EVA1C: variants seen among roughly 807,000 people sequenced by gnomAD.
The protein encoded by EVA1C is protein eva-1 homolog C.
In EVA1C, 25 loss-of-function variants were observed where a neutral mutation model predicts 45.4. The ratio of observed to expected loss-of-function variants is 0.55; its 90% CI spans 0.40 to 0.77. EVA1C has a LOEUF of 0.77. Ranked by LOEUF, EVA1C falls within the 30% of genes least tolerant of loss-of-function variation. The pLI is 0.00. For missense variants in EVA1C, 479 were observed against 554.8 expected (o/e 0.86, Z 1.37); for synonymous variants, 190 against 221.2 (o/e 0.86, Z 1.25).
At chr21:32,511,044 C>CCT (rs887282061) in intron 7 of EVA1C, among the ~76,000 whole-genome samples, 1 of 104,782 alleles carries the variant, frequency 9.5e-6, no homozygotes. Context: ...TCTCTCTCTC[C>CCT]CTCTCTCTCT....
chr21:32,484,297 C>T (rs1464338454), intron 4 of EVA1C, among the ~76,000 whole-genome samples: 1 of 151,980 alleles, frequency 6.6e-6, no homozygotes, highest in South Asian at 2.1e-4. Flanking sequence ...AATCCCAGCA[C>T]TTTGGGAGGC....
chr21:32,412,740 G>C lies in EVA1C; in HGVS notation c.-114G>C. 8.9e-7 allele frequency: 1 copy of C among 1,121,862 alleles called. No homozygotes were observed. The highest frequency in any genetic ancestry group is 1.2e-6 in the Non-Finnish European group (1 of 863,544). The allele number at this position is 1,121,862 out of a possible 1,614,324, so 69.5% of individuals were successfully genotyped here. A position where few individuals can be genotyped will look rare whatever the true frequency, so the allele number is the denominator to read the frequency against. On this transcript the variant is annotated 5_prime_UTR_variant, in exon 1 of 8. Transcript: ENST00000300255. ...CTGGCAGCCTGGGCAGGGAGGCGGC[G>C]GGGGGCCGCGGAGCCGCTGGCCATC...
At position 32,432,401 on chromosome 21, in the gene EVA1C, CA is replaced by C. The variant is rs199571591; in HGVS notation, c.160+19389del. 9.6e-3 allele frequency among the ~76,000 whole-genome samples: 1,455 copies of C among 152,130 alleles called. 23 individuals carry two copies. The highest frequency in any genetic ancestry group is 0.033 in the African/African-American group (1,364 of 41,482). ...AACTCAGGGTAAGCAAGCCTTAAAG[CA>C]GAACAGAAGAAAGAAAGGAAGGCTC... is the stretch of plus-strand genomic sequence containing the variant. On this transcript the variant is annotated intron_variant, in intron 1 of 7. Transcript: ENST00000300255.
chr21:32,444,537 C>T (rs532865646), intron 1 of EVA1C, among the ~76,000 whole-genome samples: 9 of 152,258 alleles, frequency 5.9e-5, no homozygotes, highest in African/African-American at 2.2e-4. Flanking sequence ...AGCTTCTGTG[C>T]CCACCGTGGG....
At chr21:32,461,706 GTTTA>G (rs1207016740) in intron 3 of EVA1C, among the ~76,000 whole-genome samples, 1 of 152,234 alleles carries the variant, frequency 6.6e-6, no homozygotes, top group Non-Finnish European at 1.5e-5. Context: ...CACTGATCGG[GTTTA>G]TTTGTTTGTC....
rs761320436 is a variant in EVA1C, at chr21:32,515,056, T to G, written c.1192T>G (p.Tyr398Asp). The G allele has an allele frequency of 3.1e-6, 5 of 1,614,042 alleles. No homozygotes were observed. The African/African-American group carries it at 5.3e-5, about 17-fold the overall frequency. The change falls in exon 8 of 8, where the codon TAT becomes GAT. Residue 398 changes from tyrosine (Y) to aspartate (D), a missense_variant. Tyr to Asp is a radical substitution (Grantham distance 160). This residue lies in a region of EVA1C where 366 missense variants were observed against 426.1 expected (regional missense o/e 0.86). Coordinates refer to ENST00000300255, the MANE Select transcript of EVA1C (RefSeq NM_058187.5). Reference protein sequence around the residue: ...GELSGFCRTSYPIYSSIEAAE... With the variant: ...GELSGFCRTSDPIYSSIEAAE... ...ACTGTCGGGGTTCTGTAGGACTTCA[T>G]ATCCTATATACAGTTCCATAGAAGC...
Position 32,452,554 on chromosome 21 carries a change from G to C in EVA1C, c.161-758G>C, listed in dbSNP as rs2035621436. Reference sequence around the variant, plus strand: ...GTTTTGCCATCTGCAGGCGGCTTGTGTTAATCAGCTCAATTAGACCCTCTG... The same window carrying C: ...GTTTTGCCATCTGCAGGCGGCTTGTCTTAATCAGCTCAATTAGACCCTCTG... On this transcript the variant is annotated intron_variant, in intron 1 of 7. Coordinates refer to ENST00000300255, the MANE Select transcript of EVA1C (RefSeq NM_058187.5). The surrounding 1 kb of genome is among the most constrained non-coding windows in gnomAD (Gnocchi z 4.0). The C allele has an allele frequency of 6.6e-6, 1 of 152,270 alleles. No individual in the cohort carries two copies. Among genetic ancestry groups the C allele is most frequent in the African/African-American group, 2.4e-5 (1 of 41,474 alleles). 9.4% of individuals were successfully genotyped at this position (152,270 alleles called of 1,614,324 possible).
intron 1 of EVA1C, among the ~76,000 whole-genome samples, chr21:32,430,213 T>C (rs2034646231): frequency 6.6e-6 from 1 of 152,288 alleles, no homozygotes; most frequent in East Asian, 1.9e-4. Context: ...GAGCTTGGCC[T>C]CTCCAGCTTG....
chr21:32,435,759 A>G (rs564185928), intron 1 of EVA1C, among the ~76,000 whole-genome samples: 17 of 152,402 alleles, frequency 1.1e-4, no homozygotes, highest in Middle Eastern at 3.4e-3. Flanking sequence ...GCACTGCTGA[A>G]GTACTAACAT....
chr21:32,487,723 A>C (rs983577218), intron 4 of EVA1C, among the ~76,000 whole-genome samples: 3 of 151,558 alleles, frequency 2.0e-5, no homozygotes, highest in Non-Finnish European at 2.9e-5. Context: ...CCATCTCAAA[A>C]AAAAAAAAAA....
At chr21:32,450,166 C>T (rs141429643) in intron 1 of EVA1C, among the ~76,000 whole-genome samples, 4 of 152,232 alleles carry the variant, frequency 2.6e-5, no homozygotes, top group East Asian at 1.9e-4. Flanking sequence ...GCCACTGCAC[C>T]GCACGTACAG....
intron 4 of EVA1C, among the ~76,000 whole-genome samples, chr21:32,483,370 A>AT (rs59672122): frequency 0.19 from 28,759 of 152,142 alleles, 2,858 homozygotes; most frequent in East Asian, 0.27. Context: ...CGTTTCTGGC[A>AT]TTTGGTATAG....
intron 4 of EVA1C, among the ~76,000 whole-genome samples, chr21:32,472,926 G>C (rs971171692): frequency 6.6e-6 from 1 of 152,186 alleles, no homozygotes; most frequent in Admixed American, 6.5e-5. Context: ...ACGTGCAAGG[G>C]TGAGGACCAG....
intron 4 of EVA1C, among the ~76,000 whole-genome samples, chr21:32,470,267 A>T (rs1375315407): frequency 6.6e-6 from 1 of 152,240 alleles, no homozygotes; most frequent in African/African-American, 2.4e-5. Flanking sequence ...GTCTCAAGAG[A>T]AAACAAAAAA....
intron 4 of EVA1C, among the ~76,000 whole-genome samples, chr21:32,479,556 A>T (rs929345277): frequency 1.3e-5 from 2 of 152,228 alleles, no homozygotes; most frequent in African/African-American, 4.8e-5. Context: ...GTCAACAAAG[A>T]TACAGTCAGA....
chr21:32,438,134 C>T (rs2035032726), intron 1 of EVA1C, among the ~76,000 whole-genome samples: 1 of 152,192 alleles, frequency 6.6e-6, no homozygotes, highest in Admixed American at 6.5e-5. Flanking sequence ...TCCAACTCAA[C>T]TTGATGCATT....
intron 7 of EVA1C, among the ~76,000 whole-genome samples, chr21:32,507,354 G>GTGTGTGTGTGCA (rs937676633): frequency 3.3e-5 from 5 of 152,168 alleles, no homozygotes; most frequent in Admixed American, 6.5e-5. Flanking sequence ...AAGGAGTGGT[G>GTGTGTGTGTGCA]TGTGTGTGTG....
intron 1 of EVA1C, among the ~76,000 whole-genome samples, chr21:32,417,833 A>G (rs2146100469): frequency 6.6e-6 from 1 of 152,266 alleles, no homozygotes; most frequent in Non-Finnish European, 1.5e-5. Context: ...ATATCTATGG[A>G]CATTCAGGCT....
chr21:32,494,004 T>C (rs1450399480), intron 4 of EVA1C, among the ~76,000 whole-genome samples: 1 of 152,140 alleles, frequency 6.6e-6, no homozygotes, highest in African/African-American at 2.4e-5. Flanking sequence ...TTTGCCATGT[T>C]GGCCAGGTTG....
Sources: gnomAD v4.1 joint callset for allele counts (sites outside exome capture counted in the v4.1 genomes callset) on GRCh38, gnomAD v4.1.1 for gene constraint, gnomAD v4.1.1 regional missense constraint, Gnocchi (gnomAD v3.1) non-coding constraint, MANE v1.5 for transcripts, NCBI Gene and HGNC (gene_info 2026-07-23, HGNC 2026-07-21) for gene names.